Variants in RAP1GAP observed in about 807,000 individuals in gnomAD.
RAP1GAP encodes the protein RAP1 GTPase activating protein.
A neutral mutation model predicts 87.2 loss-of-function variants in RAP1GAP; 35 were observed. The observed-to-expected ratio is 0.40, with a 90% CI of 0.31 to 0.53. The LOEUF (loss-of-function observed/expected upper bound fraction) is 0.53. Ranked by LOEUF, RAP1GAP falls within the 20% of genes least tolerant of loss-of-function variation. The pLI, the probability that RAP1GAP is intolerant of heterozygous loss-of-function variation, is 0.48. For missense variants in RAP1GAP, 734 were observed against 898.9 expected, an observed-to-expected ratio of 0.82 and a Z score of 2.35; for synonymous variants, 375 against 363.9, an observed-to-expected ratio of 1.03 and a Z score of -0.35.
At chr1:21,628,903 A>AG (rs1423268248) in intron 2 of RAP1GAP, among the ~76,000 whole-genome samples, 2 of 146,252 alleles carry the variant, frequency 1.4e-5, no homozygotes, top group Admixed American at 6.8e-5. Context: ...AAAAAAAAGG[A>AG]GGGGGGAAGG....
In RAP1GAP at chr1:21,606,051, G is replaced by T; in HGVS notation, c.1428+15C>A. 6.4e-7 allele frequency: 1 copy of T among 1,570,958 alleles called. No individual in the cohort carries two copies. Among genetic ancestry groups the T allele is most frequent in the South Asian group, 1.2e-5 (1 of 85,812 alleles). ...CAGGGAGGGGCCGGGGCCTGGGGAG[G>T]GGGAGGGCACTCACTATTCCAGCCG... On this transcript the variant is annotated intron_variant, in intron 18 of 24. Transcript: ENST00000374765.
At chr1:21,636,942 G>C (rs1377741865) in intron 2 of RAP1GAP, among the ~76,000 whole-genome samples, 1 of 101,570 alleles carries the variant, frequency 9.8e-6, no homozygotes, top group African/African-American at 3.8e-5. Flanking sequence ...GGGAGGGAGG[G>C]AGGAAGGGAG....
Position 21,613,971 on chromosome 1 carries a change from C to A in RAP1GAP, c.395+15G>T. 1 of 1,569,872 alleles carries A rather than the reference C, an allele frequency of 6.4e-7. No individual in the cohort carries two copies. Among genetic ancestry groups the A allele is most frequent in the Non-Finnish European group, 8.7e-7 (1 of 1,144,424 alleles). ...AGCCCTTCCTGCCATCTCAGGACTC[C>A]CCCACCACCCTCACCTGAGCAGCAG... On this transcript the variant is annotated intron_variant, in intron 8 of 24. Coordinates refer to ENST00000374765, the MANE Select transcript of RAP1GAP (RefSeq NM_002885.4). This position sits in a 1 kb window ranked among gnomAD's most constrained non-coding sequence, Gnocchi z 4.7.
chr1:21,603,332 A>AT lies in RAP1GAP; in HGVS notation c.1429-420dup. 1 of 388,192 alleles carries AT rather than the reference A, an allele frequency of 2.6e-6. No homozygotes were observed. The highest frequency in any genetic ancestry group is 4.7e-6 in the Non-Finnish European group (1 of 214,790). 24.0% of individuals were successfully genotyped at this position (388,192 alleles called of 1,614,324 possible). A position where few individuals can be genotyped will look rare whatever the true frequency, so the allele number is the denominator to read the frequency against. On this transcript the variant is annotated intron_variant, in intron 18 of 24. Transcript: ENST00000374765. This position sits in a 1 kb window ranked among gnomAD's most constrained non-coding sequence, Gnocchi z 6.0. ...TAGGGCCCCTCCCCGGAACCTCCAA[A>AT]TTGGCTGGGGGAGGTTCTGGCCCAG...
intron 2 of RAP1GAP, among the ~76,000 whole-genome samples, chr1:21,633,804 T>C (rs1371477765): frequency 3.3e-5 from 5 of 152,278 alleles, no homozygotes; most frequent in Non-Finnish European, 5.9e-5. Context: ...TCCAGTTCCC[T>C]GGGGTCTTCC....
In RAP1GAP at chr1:21,613,828, G is replaced by C. The variant is rs1353297886; in HGVS notation, c.396-122C>G. The C allele has an allele frequency of 8.6e-7, 1 of 1,167,180 alleles. No homozygotes were observed. The highest frequency in any genetic ancestry group is 1.5e-5 in the African/African-American group (1 of 66,176). 72.3% of individuals were successfully genotyped at this position (1,167,180 alleles called of 1,614,324 possible). On this transcript the variant is annotated intron_variant, in intron 8 of 24. Coordinates refer to ENST00000374765, the MANE Select transcript of RAP1GAP (RefSeq NM_002885.4). This position sits in a 1 kb window ranked among gnomAD's most constrained non-coding sequence, Gnocchi z 4.7. ...CAGCGAGGACCAGAGGTGATGATGG[G>C]TGTCAGGCTGACTCGGGTACTAACT...
chr1:21,613,858 G>A lies in RAP1GAP; in HGVS notation c.395+128C>T, dbSNP rs2080115648. 1.7e-6 allele frequency: 2 copies of A among 1,143,222 alleles called. No homozygotes were observed. The highest frequency in any genetic ancestry group is 1.3e-6 in the Non-Finnish European group (1 of 782,470). 70.8% of individuals were successfully genotyped at this position (1,143,222 alleles called of 1,614,324 possible). A position where few individuals can be genotyped will look rare whatever the true frequency, so the allele number is the denominator to read the frequency against. On this transcript the variant is annotated intron_variant, in intron 8 of 24. Transcript: ENST00000374765. The surrounding 1 kb of genome is among the most constrained non-coding windows in gnomAD (Gnocchi z 4.7). ...AGGCTGACTCGGGTACTAACTTGCTGTGCAACCTCAAGCAAATCCCTGCCC... is the reference window on the plus strand; with the variant it reads ...AGGCTGACTCGGGTACTAACTTGCTATGCAACCTCAAGCAAATCCCTGCCC...
chr1:21,637,756 G>A (rs1404688627), intron 2 of RAP1GAP, among the ~76,000 whole-genome samples: 1 of 151,996 alleles, frequency 6.6e-6, no homozygotes, highest in African/African-American at 2.4e-5. Flanking sequence ...ATGGAAAAGG[G>A]GGTTTGAGGC....
intron 2 of RAP1GAP, among the ~76,000 whole-genome samples, chr1:21,647,630 G>A (rs1247687492): frequency 6.6e-6 from 1 of 152,184 alleles, no homozygotes; most frequent in Admixed American, 6.5e-5. Flanking sequence ...GAGGGAAAAT[G>A]ACTTGCCAAA....
chr1:21,639,491 G>A (rs1225829419), intron 2 of RAP1GAP, among the ~76,000 whole-genome samples: 1 of 152,212 alleles, frequency 6.6e-6, no homozygotes, highest in African/African-American at 2.4e-5. Flanking sequence ...TAGCTGTGTG[G>A]CCTAGGGAGA....
intron 2 of RAP1GAP, among the ~76,000 whole-genome samples, chr1:21,641,900 T>C (rs2095557570): frequency 6.6e-6 from 1 of 152,334 alleles, no homozygotes; most frequent in South Asian, 2.1e-4. Flanking sequence ...TCTAGGTCAC[T>C]TGGGTCCGAG....
chr1:21,613,799 A>T lies in RAP1GAP; in HGVS notation c.396-93T>A. 1 of 1,320,488 alleles carries T rather than the reference A, an allele frequency of 7.6e-7. No individual in the cohort carries two copies. The allele number at this position is 1,320,488 out of a possible 1,614,324, so 81.8% of individuals were successfully genotyped here. A position where few individuals can be genotyped will look rare whatever the true frequency, so the allele number is the denominator to read the frequency against. On this transcript the variant is annotated intron_variant, in intron 8 of 24. Coordinates refer to ENST00000374765, the MANE Select transcript of RAP1GAP (RefSeq NM_002885.4). This position sits in a 1 kb window ranked among gnomAD's most constrained non-coding sequence, Gnocchi z 4.7. ...ACAAAGTAAGGCCAGAAGGGGGTGG[A>T]CCACAGCGAGGACCAGAGGTGATGA...
At chr1:21,630,847 G>A (rs914864917) in intron 2 of RAP1GAP, among the ~76,000 whole-genome samples, 1 of 152,132 alleles carries the variant, frequency 6.6e-6, no homozygotes, top group African/African-American at 2.4e-5. Flanking sequence ...ATAAGCCACT[G>A]CACCTGGCCC....
At chr1:21,597,759 G>A (rs372096206) in intron 23 of RAP1GAP, 31 bp from the exon 24 acceptor site, 7 of 1,612,674 alleles carry the variant, frequency 4.3e-6, no homozygotes, top group Non-Finnish European at 5.9e-6. Flanking sequence ...TGAGGCAGGT[G>A]GCAAGACGGG....
chr1:21,642,209 CT>C (rs1171285179), intron 2 of RAP1GAP, among the ~76,000 whole-genome samples: 10 of 152,238 alleles, frequency 6.6e-5, no homozygotes, highest in African/African-American at 9.6e-5. Context: ...AGGTCACCCC[CT>C]GGCAGGCAGC....
rs908241016 is a variant in RAP1GAP, at chr1:21,669,283, C to T, written c.-178G>A. ...GGGCCTGGGCCGGGGGCGTCCTGGG[C>T]TCGGCACTCTGGTGCCCGCGGCCGC... On this transcript the variant is annotated 5_prime_UTR_variant, in exon 1 of 25. Transcript: ENST00000374765. This position sits in a 1 kb window ranked among gnomAD's most constrained non-coding sequence, Gnocchi z 5.6. The T allele has an allele frequency of 1.3e-5, 15 of 1,199,172 alleles. No individual in the cohort carries two copies. Among genetic ancestry groups the T allele is most frequent in the Non-Finnish European group, 1.4e-5 (13 of 953,832 alleles). The allele number at this position is 1,199,172 out of a possible 1,614,324, so 74.3% of individuals were successfully genotyped here.
At chr1:21,608,774 C>A in intron 16 of RAP1GAP, 76 bp downstream of exon 16, 1 of 1,447,754 alleles carries the variant, frequency 6.9e-7, no homozygotes, top group South Asian at 1.2e-5. Context: ...TGGCTTTTCC[C>A]TTCCCAGGGA....
intron 1 of RAP1GAP, chr1:21,651,722 A>T: frequency 1.4e-6 from 1 of 702,138 alleles, no homozygotes; most frequent in Admixed American, 3.0e-5. Context: ...GCTCCCCCCC[A>T]CGCGTGCACA....
chr1:21,614,103 TG>T lies in RAP1GAP; in HGVS notation c.292-15del, dbSNP rs1259477494. On this transcript the variant is annotated splice_polypyrimidine_tract_variant and intron_variant, in intron 7 of 24. Transcript: ENST00000374765. ...ATTGAAATGCTCCTGCAGTGGGAGG[TG>T]GGGGCCAGGGGAGTGGGTGAGGCTG... 2.6e-6 allele frequency: 4 copies of T among 1,556,744 alleles called. No homozygotes were observed. Among genetic ancestry groups the T allele is most frequent in the Non-Finnish European group, 1.8e-6 (2 of 1,135,076 alleles).
Sources: gnomAD v4.1 joint callset for allele counts (sites outside exome capture counted in the v4.1 genomes callset) on GRCh38, gnomAD v4.1.1 for gene constraint, Gnocchi (gnomAD v3.1) non-coding constraint, MANE v1.5 for transcripts, NCBI Gene and HGNC (gene_info 2026-07-23, HGNC 2026-07-21) for gene names.